ACAP1: variants seen among roughly 807,000 people sequenced by gnomAD.
ACAP1 encodes the protein arf-GAP with coiled-coil, ANK repeat and PH domain-containing protein 1.
Under a neutral mutation model 98.8 loss-of-function variants are expected in ACAP1, and 45 were observed. The observed-to-expected ratio is 0.46, with a 90% CI of 0.36 to 0.58. The LOEUF is 0.58. Ranked by LOEUF, ACAP1 falls within the 20% of genes least tolerant of loss-of-function variation. The probability of loss-of-function intolerance (pLI) is 0.00; values close to 1 mark genes in which losing one functional copy is unlikely to be tolerated. For synonymous variants in ACAP1, 362 were observed against 375.3 expected (o/e 0.96, Z 0.41); for missense variants, 735 against 971.4 (o/e 0.76, Z 3.24).
At chr17:7,349,321 T>G (rs1436628420) in intron 18 of ACAP1, 154 bp downstream of exon 18, 3 of 813,988 alleles carry the variant, frequency 3.7e-6, no homozygotes, top group Non-Finnish European at 5.5e-6. Flanking sequence ...GCTAAGAGTG[T>G]GTGATTTGGA....
At chr17:7,347,618 GA>G in intron 14 of ACAP1, 1 of 546,786 alleles carries the variant, frequency 1.8e-6, no homozygotes, top group South Asian at 2.2e-5. Context: ...GAAGGGAGGT[GA>G]CATGGGAGAG....
In ACAP1 at chr17:7,344,768, T is replaced by G; in HGVS notation, c.854+120T>G. The G allele has an allele frequency of 2.9e-6, 2 of 682,338 alleles. No individual in the cohort carries two copies. The highest frequency in any genetic ancestry group is 2.6e-4 in the Middle Eastern group (1 of 3,900). 42.3% of individuals were successfully genotyped at this position (682,338 alleles called of 1,614,324 possible). The stretch of plus-strand genomic sequence containing the variant: ...ACCCCCCTGCCTCAGTAGAGTTTCA[T>G]TCCATCAGCAAAGACAGAGGATAAA... On this transcript the variant is annotated intron_variant, in intron 10 of 21. Coordinates refer to ENST00000158762, the MANE Select transcript of ACAP1 (RefSeq NM_014716.4). The surrounding 1 kb of genome is among the most constrained non-coding windows in gnomAD (Gnocchi z 4.9).
intron 12 of ACAP1, 33 bp from the exon 13 acceptor site, chr17:7,346,775 C>G: frequency 6.3e-7 from 1 of 1,596,556 alleles, no homozygotes; most frequent in Non-Finnish European, 8.5e-7. Context: ...AGGCCTCAGA[C>G]CCCTCTGCCA....
chr17:7,346,839 C>T lies in ACAP1; in HGVS notation c.1039C>T (p.Leu347Phe), dbSNP rs2073351073. 4 of 1,613,406 alleles carry T rather than the reference C, an allele frequency of 2.5e-6. No individual in the cohort carries two copies. Among genetic ancestry groups the T allele is most frequent in the African/African-American group, 1.3e-5 (1 of 75,034 alleles). Residue 347 changes from leucine (L) to phenylalanine (F), a missense_variant, in exon 13 of 22, where the codon CTC becomes TTC. Coordinates refer to ENST00000158762, the MANE Select transcript of ACAP1 (RefSeq NM_014716.4). ...SCLLQADSERLLQLWVSAVQS... is the reference protein window; with the variant it reads ...SCLLQADSERFLQLWVSAVQS... Reference sequence around the variant, plus strand: ...CCTCCTCCAGGCTGACTCAGAGCGCCTCCTGCAGCTGTGGGTCAGTGCTGT... The same window carrying T: ...CCTCCTCCAGGCTGACTCAGAGCGCTTCCTGCAGCTGTGGGTCAGTGCTGT...
At chr17:7,346,121 C>A in intron 10 of ACAP1, 123 bp from the exon 11 acceptor site, 2 of 867,832 alleles carry the variant, frequency 2.3e-6, no homozygotes, top group South Asian at 1.4e-5. Flanking sequence ...TGGAATGTCT[C>A]GTGGAACAGT....
rs372668636 is a variant in ACAP1 at position 7,343,852 on chromosome 17, G to A, written c.574-9G>A. ...CCTCAGCCTTCCCACTGCCCGCCTT[G>A]TCCCCCAGGTGCTGCGTTTGGTGGA... On this transcript the variant is annotated splice_polypyrimidine_tract_variant and intron_variant, in intron 7 of 21. Transcript: ENST00000158762. The surrounding 1 kb of genome is among the most constrained non-coding windows in gnomAD (Gnocchi z 4.9). The A allele has an allele frequency of 6.2e-7, 1 of 1,613,870 alleles. No homozygotes were observed. Among genetic ancestry groups the A allele is most frequent in the African/African-American group, 1.3e-5 (1 of 74,872 alleles).
chr17:7,344,697 T>G lies in ACAP1; in HGVS notation c.854+49T>G, dbSNP rs906534250. ...AGCCCGCCCCACCCAATGATGTATT[T>G]TCGAGTGGTAATAGCACACTAAGCA... On this transcript the variant is annotated intron_variant, in intron 10 of 21. Transcript: ENST00000158762. The surrounding 1 kb of genome is among the most constrained non-coding windows in gnomAD (Gnocchi z 4.9). 6 of 1,401,684 alleles carry G rather than the reference T, an allele frequency of 4.3e-6. No individual in the cohort carries two copies. In the African/African-American group the frequency reaches 4.3e-5, roughly 10 times the overall value. The allele number at this position is 1,401,684 out of a possible 1,614,324, so 86.8% of individuals were successfully genotyped here. A position where few individuals can be genotyped will look rare whatever the true frequency, so the allele number is the denominator to read the frequency against.
At position 7,343,477 on chromosome 17, in the gene ACAP1, G is replaced by C; in HGVS notation, c.443G>C (p.Arg148Pro). The change falls in exon 6 of 22, where the codon CGG becomes CCG. Residue 148 changes from arginine to proline, a missense_variant. By Grantham distance (103) the Arg-to-Pro change is moderately radical. Coordinates refer to ENST00000158762, the MANE Select transcript of ACAP1 (RefSeq NM_014716.4). The surrounding 1 kb of genome is among the most constrained non-coding windows in gnomAD (Gnocchi z 4.9). ...LTHNAEVPRR[R>P]AQEAEEAGAA... ...CACAACGCAGAGGTTCCCAGGCGCC[G>C]GGCCCAGGAGGCAGAAGAGGCAGGA... 1 of 1,614,098 alleles carries C rather than the reference G, an allele frequency of 6.2e-7. No homozygotes were observed. The highest frequency in any genetic ancestry group is 8.5e-7 in the Non-Finnish European group (1 of 1,180,000).
chr17:7,347,872 G>A, intron 14 of ACAP1, 50 bp from the exon 15 acceptor site: 1 of 1,524,690 alleles, frequency 6.6e-7, no homozygotes, highest in Non-Finnish European at 9.1e-7. Context: ...CAGCTCCCCA[G>A]GCCACTGCCC....
intron 4 of ACAP1, 31 bp downstream of exon 4, chr17:7,342,359 T>A (rs750564124): frequency 6.2e-7 from 1 of 1,613,830 alleles, no homozygotes; most frequent in African/African-American, 1.3e-5. Flanking sequence ...ATTGTCGGGG[T>A]GGTGGCCAGG....
At position 7,350,342 on chromosome 17, in the gene ACAP1, C is replaced by A; in HGVS notation, c.2072+105C>A. The A allele has an allele frequency of 1.1e-6, 1 of 890,932 alleles. No individual in the cohort carries two copies. Among genetic ancestry groups the A allele is most frequent in the Non-Finnish European group, 1.7e-6 (1 of 590,190 alleles). 55.2% of individuals were successfully genotyped at this position (890,932 alleles called of 1,614,324 possible). ...GCTGACGCCGAAACAGAAGCCTGTGCTGTGGGGCCTCGGAAAGGGGCTGGG... is the reference window on the plus strand; with the variant it reads ...GCTGACGCCGAAACAGAAGCCTGTGATGTGGGGCCTCGGAAAGGGGCTGGG... On this transcript the variant is annotated intron_variant, in intron 20 of 21. Transcript: ENST00000158762. The surrounding 1 kb of genome is among the most constrained non-coding windows in gnomAD (Gnocchi z 4.6).
At chr17:7,337,959 G>A (rs949470177) in intron 2 of ACAP1, among the ~76,000 whole-genome samples, 5 of 152,112 alleles carry the variant, frequency 3.3e-5, no homozygotes, top group South Asian at 2.1e-4. Flanking sequence ...CTGCTCCCAC[G>A]GAGCCCAAAG....
rs963131211 is a variant in ACAP1 at position 7,344,876 on chromosome 17, G to A, written c.854+228G>A. 1.3e-5 allele frequency among the ~76,000 whole-genome samples: 2 copies of A among 152,190 alleles called. No homozygotes were observed. On this transcript the variant is annotated intron_variant, in intron 10 of 21. Coordinates refer to ENST00000158762, the MANE Select transcript of ACAP1 (RefSeq NM_014716.4). This position sits in a 1 kb window ranked among gnomAD's most constrained non-coding sequence, Gnocchi z 4.9. Reference sequence around the variant, plus strand: ...GATGATAAAGCAAGGGATGTGGGGAGCTGGGTAGGGGTTACAGTTCTAAAT... The same window carrying A: ...GATGATAAAGCAAGGGATGTGGGGAACTGGGTAGGGGTTACAGTTCTAAAT...
At chr17:7,337,703 AATC>A (rs2073235551) in intron 2 of ACAP1, among the ~76,000 whole-genome samples, 1 of 151,962 alleles carries the variant, frequency 6.6e-6, no homozygotes, top group South Asian at 2.1e-4. Flanking sequence ...AAAATGCAAA[AATC>A]ATCCAGGCTT....
chr17:7,344,223 G>T lies in ACAP1; in HGVS notation c.744+100G>T. 7.6e-7 allele frequency: 1 copy of T among 1,322,262 alleles called. No individual in the cohort carries two copies. The highest frequency in any genetic ancestry group is 1.1e-6 in the Non-Finnish European group (1 of 950,242). 81.9% of individuals were successfully genotyped at this position (1,322,262 alleles called of 1,614,324 possible). A position where few individuals can be genotyped will look rare whatever the true frequency, so the allele number is the denominator to read the frequency against. On this transcript the variant is annotated intron_variant, in intron 9 of 21. Transcript: ENST00000158762. The surrounding 1 kb of genome is among the most constrained non-coding windows in gnomAD (Gnocchi z 4.9). ...GGCCTGGAGTTCAAGATTAGCCTAG[G>T]CATCGTAGTGAAACTCCATCTCTAC...
At chr17:7,348,705 A>G in intron 17 of ACAP1, 1 of 580,104 alleles carries the variant, frequency 1.7e-6, no homozygotes, top group Non-Finnish European at 2.9e-6. Context: ...AGAAAAGGAG[A>G]GAGAGAGGGG....
Position 7,350,305 on chromosome 17 carries a change from C to A in ACAP1, c.2072+68C>A. ...CCACCCCCGCCCACCCACGTTCGGG[C>A]GGGCGGGCGGGGCTGACGCCGAAAC... On this transcript the variant is annotated intron_variant, in intron 20 of 21. Transcript: ENST00000158762. The surrounding 1 kb of genome is among the most constrained non-coding windows in gnomAD (Gnocchi z 4.6). 2 of 860,388 alleles carry A rather than the reference C, an allele frequency of 2.3e-6. No individual in the cohort carries two copies. The highest frequency in any genetic ancestry group is 3.5e-6 in the Non-Finnish European group (2 of 571,984). The allele number at this position is 860,388 out of a possible 1,614,324, so 53.3% of individuals were successfully genotyped here.
intron 16 of ACAP1, 38 bp from the exon 17 acceptor site, chr17:7,348,268 C>A: frequency 6.2e-7 from 1 of 1,609,544 alleles, no homozygotes; most frequent in South Asian, 1.1e-5. Context: ...ACCCCTGGAG[C>A]AGAAGAGGGA....
chr17:7,347,002 G>A, intron 13 of ACAP1, 29 bp from the exon 14 acceptor site: 1 of 1,570,320 alleles, frequency 6.4e-7, no homozygotes, highest in Non-Finnish European at 8.7e-7. Context: ...AGGCCCCTTG[G>A]CCACCCTTTC....
Sources: allele counts gnomAD v4.1 joint callset (sites outside exome capture counted in the v4.1 genomes callset), GRCh38; gene constraint gnomAD v4.1.1; non-coding constraint Gnocchi (gnomAD v3.1); transcripts MANE v1.5; gene names NCBI Gene and HGNC (gene_info 2026-07-23, HGNC 2026-07-21).